Variants in ROR1 observed in about 807,000 individuals in gnomAD.
The protein encoded by ROR1 is inactive tyrosine-protein kinase transmembrane receptor ROR1.
A neutral mutation model predicts 78.8 loss-of-function variants in ROR1; 19 were observed. That is an observed-to-expected ratio of 0.24 (90% CI 0.17 to 0.35). The LOEUF is 0.35. Ranked by LOEUF, ROR1 falls within the 10% of genes least tolerant of loss-of-function variation. The pLI, the probability that ROR1 is intolerant of heterozygous loss-of-function variation, is 1.00. For synonymous variants in ROR1, 386 were observed against 433.6 expected, an observed-to-expected ratio of 0.89 and a Z score of 1.36; for missense variants, 917 against 1,177.8, an observed-to-expected ratio of 0.78 and a Z score of 3.24.
At chr1:64,159,229 G>A in intron 8 of ROR1, 37 bp downstream of exon 8, 5 of 1,503,400 alleles carry the variant, frequency 3.3e-6, no homozygotes, top group Non-Finnish European at 4.6e-6. Context: ...TTGTTCCGTG[G>A]GCTTCAAGTT....
chr1:63,869,514 C>A (rs758936317), intron 1 of ROR1, among the ~76,000 whole-genome samples: 7 of 152,150 alleles, frequency 4.6e-5, no homozygotes, highest in Non-Finnish European at 7.4e-5. Flanking sequence ...GATCAAGGAC[C>A]AATAGGAAGC....
chr1:63,952,743 A>G (rs542465713), intron 1 of ROR1, among the ~76,000 whole-genome samples: 1 of 152,246 alleles, frequency 6.6e-6, no homozygotes, highest in South Asian at 2.1e-4. Context: ...GGGGACTCCA[A>G]AATTTCTGTC....
rs1447259766 is a variant in ROR1 at position 63,774,967 on chromosome 1, G to T, written c.91+459G>T. 6.6e-6 allele frequency among the ~76,000 whole-genome samples: 1 copy of T among 152,116 alleles called. No individual in the cohort carries two copies. Among genetic ancestry groups the T allele is most frequent in the African/African-American group, 2.4e-5 (1 of 41,428 alleles). ...TTTGGATTTTCAGTGGTGCTCGCCAGAGCCCAGGCGGCTCGCGGATCGACG... is the reference window on the plus strand; with the variant it reads ...TTTGGATTTTCAGTGGTGCTCGCCATAGCCCAGGCGGCTCGCGGATCGACG... On this transcript the variant is annotated intron_variant, in intron 1 of 8. Transcript: ENST00000371079. This position sits in a 1 kb window ranked among gnomAD's most constrained non-coding sequence, Gnocchi z 5.7.
At chr1:63,938,254 A>G (rs1273162527) in intron 1 of ROR1, among the ~76,000 whole-genome samples, 1 of 152,198 alleles carries the variant, frequency 6.6e-6, no homozygotes, top group Admixed American at 6.5e-5. Context: ...TTTATTAGGT[A>G]TTATAAGTAA....
intron 6 of ROR1, 121 bp downstream of exon 6, chr1:64,140,547 G>T: frequency 1.2e-6 from 1 of 858,298 alleles, no homozygotes; most frequent in Non-Finnish European, 1.8e-6. Context: ...TTTCCAATGG[G>T]CTGAGTACTG....
intron 2 of ROR1, among the ~76,000 whole-genome samples, chr1:64,047,320 A>C (rs906247400): frequency 6.6e-6 from 1 of 152,220 alleles, no homozygotes; most frequent in African/African-American, 2.4e-5. Flanking sequence ...TTTGCCAAAC[A>C]CTGGTTGAAG....
At chr1:63,843,445 A>G in intron 1 of ROR1, 1 of 740,366 alleles carries the variant, frequency 1.4e-6, no homozygotes, top group Non-Finnish European at 2.5e-6. Flanking sequence ...CAGAGGGTGT[A>G]GTGGCAGTCC....
At chr1:64,152,629 A>G (rs1649660170) in intron 7 of ROR1, among the ~76,000 whole-genome samples, 1 of 152,226 alleles carries the variant, frequency 6.6e-6, no homozygotes, top group South Asian at 2.1e-4. Flanking sequence ...TTTTATAAAC[A>G]AGATCTTTAA....
chr1:63,940,123 G>T (rs748398263), intron 1 of ROR1, among the ~76,000 whole-genome samples: 1 of 152,118 alleles, frequency 6.6e-6, no homozygotes, highest in African/African-American at 2.4e-5. Flanking sequence ...GGGAAGGCAG[G>T]TTTTTATTCA....
chr1:64,037,673 G>A (rs963804904), intron 2 of ROR1, among the ~76,000 whole-genome samples: 1 of 152,200 alleles, frequency 6.6e-6, no homozygotes, highest in African/African-American at 2.4e-5. Context: ...TTGAATAGGG[G>A]TTTAGGATGT....
At chr1:64,171,867 T>C (rs1054455971) in intron 8 of ROR1, among the ~76,000 whole-genome samples, 1 of 152,232 alleles carries the variant, frequency 6.6e-6, no homozygotes, top group Non-Finnish European at 1.5e-5. Context: ...TCATGTTGCA[T>C]ACAAATGTTG....
intron 2 of ROR1, among the ~76,000 whole-genome samples, chr1:64,033,667 C>T (rs369802691): frequency 4.6e-5 from 7 of 152,084 alleles, no homozygotes; most frequent in South Asian, 2.1e-4. Context: ...ATGACAAACC[C>T]TTATATAGAA....
chr1:64,179,889 G>A lies in ROR1; in HGVS notation c.*1034G>A, dbSNP rs1650503956. ...CTAGGGAAGTAGGAAACTCCATCAT[G>A]ATACAAATGTCTAGTAATTTTAAAG... On this transcript the variant is annotated 3_prime_UTR_variant, in exon 9 of 9. Transcript: ENST00000371079. The A allele has an allele frequency of 6.6e-6, 1 of 152,132 alleles. No individual in the cohort carries two copies. The highest frequency in any genetic ancestry group is 2.4e-5 in the African/African-American group (1 of 41,424). 9.4% of individuals were successfully genotyped at this position (152,132 alleles called of 1,614,324 possible). A position where few individuals can be genotyped will look rare whatever the true frequency, so the allele number is the denominator to read the frequency against.
chr1:64,152,097 TCG>T (rs1264723550), intron 7 of ROR1, among the ~76,000 whole-genome samples: 1 of 152,088 alleles, frequency 6.6e-6, no homozygotes, highest in Non-Finnish European at 1.5e-5. Flanking sequence ...AAACCAAAAC[TCG>T]TATGCAAAAT....
rs144649936 is a variant in ROR1 at position 63,905,541 on chromosome 1, G to A, written c.92-103764G>A. ...AAGGGTATACAAGTTTATATTAATT[G>A]ACATATAGCATGCAGAAACGGATGT... On this transcript the variant is annotated intron_variant, in intron 1 of 8. Coordinates refer to ENST00000371079, the MANE Select transcript of ROR1 (RefSeq NM_005012.4). Among the ~76,000 whole-genome samples, 284 of 152,232 alleles carry A rather than the reference G, an allele frequency of 1.9e-3. 2 individuals are homozygous for A. The highest frequency in any genetic ancestry group is 6.6e-3 in the African/African-American group (274 of 41,548).
chr1:64,004,130 A>C (rs943940761), intron 1 of ROR1, among the ~76,000 whole-genome samples: 22 of 152,206 alleles, frequency 1.4e-4, no homozygotes, highest in African/African-American at 4.1e-4. Context: ...GCCACCTCTA[A>C]AGTCTGGCTC....
At chr1:63,841,931 A>G (rs1239748257) in intron 1 of ROR1, among the ~76,000 whole-genome samples, 1 of 152,176 alleles carries the variant, frequency 6.6e-6, no homozygotes, top group Non-Finnish European at 1.5e-5. Flanking sequence ...ATACTTCCAC[A>G]TGGATGTCTC....
intron 1 of ROR1, among the ~76,000 whole-genome samples, chr1:63,960,712 A>G (rs1390457879): frequency 6.6e-6 from 1 of 152,188 alleles, no homozygotes; most frequent in Non-Finnish European, 1.5e-5. Context: ...CTGATTTAAA[A>G]CTTTGAACTC....
intron 1 of ROR1, among the ~76,000 whole-genome samples, chr1:63,925,619 C>T (rs1255147051): frequency 9.9e-5 from 15 of 151,814 alleles, no homozygotes; most frequent in Non-Finnish European, 1.5e-5. Context: ...AACTAGTTTA[C>T]AGTCCCACCA....
Sources: gnomAD v4.1 joint callset for allele counts (sites outside exome capture counted in the v4.1 genomes callset) on GRCh38, gnomAD v4.1.1 for gene constraint, Gnocchi (gnomAD v3.1) non-coding constraint, MANE v1.5 for transcripts, NCBI Gene and HGNC (gene_info 2026-07-23, HGNC 2026-07-21) for gene names.